CHN1: variants seen among roughly 807,000 people sequenced by gnomAD.
CHN1 encodes chimerin 1, also known as N-chimaerin.
In CHN1, 37 loss-of-function variants were observed where a neutral mutation model predicts 59.5. The ratio of observed to expected loss-of-function variants is 0.62; its 90% CI spans 0.48 to 0.82. The LOEUF (loss-of-function observed/expected upper bound fraction) is 0.82, where lower values mean the gene tolerates loss of function less well. Among genes scored for constraint, CHN1 ranks in the 40% least tolerant of loss-of-function variants. CHN1 has a pLI of 0.00. For missense variants in CHN1, 469 were observed against 571.0 expected (o/e 0.82, Z 1.82); for synonymous variants, 206 against 200.4 (o/e 1.03, Z -0.24).
intron 5 of CHN1, among the ~76,000 whole-genome samples, chr2:174,905,412 A>T (rs1408689096): frequency 6.6e-6 from 1 of 152,204 alleles, no homozygotes; most frequent in Admixed American, 6.5e-5. Context: ...TGCCTTAAAA[A>T]TACAAAAGCC....
At chr2:174,989,756 C>T (rs566040364) in intron 1 of CHN1, among the ~76,000 whole-genome samples, 127 of 151,460 alleles carry the variant, frequency 8.4e-4, no homozygotes, top group Non-Finnish European at 1.6e-3. Context: ...CACCACCACA[C>T]TGCAGCCTGG....
At chr2:174,930,828 G>A (rs926325600) in intron 3 of CHN1, among the ~76,000 whole-genome samples, 10 of 151,566 alleles carry the variant, frequency 6.6e-5, no homozygotes, top group African/African-American at 1.5e-4. Context: ...GCAGTGGCGC[G>A]ATCTCAGCTC....
intron 5 of CHN1, among the ~76,000 whole-genome samples, chr2:174,900,006 T>C (rs753279120): frequency 3.3e-5 from 5 of 152,230 alleles, no homozygotes; most frequent in Non-Finnish European, 7.3e-5. Flanking sequence ...TTTAGAAATA[T>C]CACCAGGACA....
At chr2:175,003,253 G>C (rs938109949) in intron 1 of CHN1, among the ~76,000 whole-genome samples, 5 of 152,138 alleles carry the variant, frequency 3.3e-5, no homozygotes, top group Non-Finnish European at 7.3e-5. Flanking sequence ...ACTGGATTTT[G>C]GGAAGTGAAT....
At chr2:174,855,255 T>C (rs759269602) in intron 6 of CHN1, among the ~76,000 whole-genome samples, 4 of 152,138 alleles carry the variant, frequency 2.6e-5, no homozygotes, top group Non-Finnish European at 5.9e-5. Context: ...ATTAGCACAA[T>C]GCTCCAGTTA....
chr2:174,996,262 T>C (rs941922532), intron 1 of CHN1, among the ~76,000 whole-genome samples: 4 of 152,216 alleles, frequency 2.6e-5, no homozygotes, highest in Non-Finnish European at 5.9e-5. Flanking sequence ...TGATCTTCAC[T>C]GTAAGCCCCC....
intron 1 of CHN1, among the ~76,000 whole-genome samples, chr2:174,960,830 T>A (rs1484911402): frequency 6.6e-6 from 1 of 151,436 alleles, no homozygotes; most frequent in South Asian, 2.1e-4. Context: ...TCAAAAAAAA[T>A]GAAAATAAAA....
At chr2:174,958,476 C>T (rs1227305171) in intron 1 of CHN1, among the ~76,000 whole-genome samples, 1 of 152,184 alleles carries the variant, frequency 6.6e-6, no homozygotes, top group African/African-American at 2.4e-5. Flanking sequence ...GCCTCACAGA[C>T]CCTGTGCAAA....
At chr2:174,900,971 C>T (rs893867453) in intron 5 of CHN1, among the ~76,000 whole-genome samples, 2 of 152,014 alleles carry the variant, frequency 1.3e-5, no homozygotes, top group African/African-American at 4.8e-5. Flanking sequence ...ATAGAGAAAG[C>T]TTGCATGGTA....
intron 7 of CHN1, among the ~76,000 whole-genome samples, chr2:174,839,660 G>C (rs1245396417): frequency 6.7e-6 from 1 of 150,356 alleles, no homozygotes; most frequent in Non-Finnish European, 1.5e-5. Context: ...CCATATTGCA[G>C]TGGCACAATC....
intron 5 of CHN1, among the ~76,000 whole-genome samples, chr2:174,900,923 A>T (rs1207769380): frequency 6.6e-6 from 1 of 152,192 alleles, no homozygotes; most frequent in Non-Finnish European, 1.5e-5. Flanking sequence ...ACTGAAGTGT[A>T]ACCAGGAAAA....
At chr2:174,868,111 T>C (rs1342595859) in intron 6 of CHN1, among the ~76,000 whole-genome samples, 2 of 152,228 alleles carry the variant, frequency 1.3e-5, no homozygotes, top group Non-Finnish European at 1.5e-5. Context: ...TAATTTTTTA[T>C]GAAGAGCTTG....
At chr2:174,905,530 C>T (rs1041374233) in intron 5 of CHN1, among the ~76,000 whole-genome samples, 4 of 152,002 alleles carry the variant, frequency 2.6e-5, no homozygotes, top group Non-Finnish European at 5.9e-5. Context: ...AGACAGAATA[C>T]TAGTGAATAA....
chr2:174,827,533 C>T (rs964563662), intron 7 of CHN1, among the ~76,000 whole-genome samples: 2 of 152,132 alleles, frequency 1.3e-5, no homozygotes, highest in African/African-American at 4.8e-5. Flanking sequence ...GAGAGGCAGA[C>T]AGGGCCTTTT....
chr2:174,986,014 A>T (rs1691327498), intron 1 of CHN1, among the ~76,000 whole-genome samples: 1 of 152,226 alleles, frequency 6.6e-6, no homozygotes, highest in Non-Finnish European at 1.5e-5. Context: ...TTAAAAGGTT[A>T]ATTTTCCAGG....
At chr2:174,817,178 C>CA (rs1180135895) in intron 8 of CHN1, among the ~76,000 whole-genome samples, 1 of 152,072 alleles carries the variant, frequency 6.6e-6, no homozygotes, top group African/African-American at 2.4e-5. Context: ...ACCTCTTATT[C>CA]AAAAATGTAT....
intron 1 of CHN1, among the ~76,000 whole-genome samples, chr2:174,980,527 G>A (rs561212842): frequency 1.3e-5 from 2 of 152,084 alleles, no homozygotes; most frequent in African/African-American, 4.8e-5. Context: ...ATAGGAACAT[G>A]CATTATTGGT....
At chr2:174,935,677 G>A (rs1689476345) in intron 3 of CHN1, among the ~76,000 whole-genome samples, 1 of 152,140 alleles carries the variant, frequency 6.6e-6, no homozygotes, top group South Asian at 2.1e-4. Flanking sequence ...TGTAATCCCA[G>A]CACTTTGGGA....
At chr2:174,972,778 A>G (rs904560317) in intron 1 of CHN1, among the ~76,000 whole-genome samples, 1 of 152,180 alleles carries the variant, frequency 6.6e-6, no homozygotes, top group African/African-American at 2.4e-5. Flanking sequence ...TAACCTTATC[A>G]GAGAGAATGT....
Sources: gnomAD v4.1 joint callset for allele counts (sites outside exome capture counted in the v4.1 genomes callset) on GRCh38, gnomAD v4.1.1 for gene constraint, MANE v1.5 for transcripts, NCBI Gene and HGNC (gene_info 2026-07-23, HGNC 2026-07-21) for gene names.